CD33: variants seen among roughly 807,000 people sequenced by gnomAD.
CD33 encodes CD33 molecule.
CD33 carries 25 observed loss-of-function variants against 31.4 expected under a neutral mutation model. That is an observed-to-expected ratio of 0.80 (90% confidence interval 0.58 to 1.11). CD33 has a LOEUF of 1.11. Among genes scored for constraint, CD33 ranks in the 50% most tolerant of loss-of-function variants. The pLI is 0.00. For synonymous variants in CD33, 176 were observed against 180.6 expected (o/e 0.97, Z 0.20); for missense variants, 407 against 448.1 (o/e 0.91, Z 0.83).
At chr19:51,229,395 G>T (rs2066956811) in intron 4 of CD33, among the ~76,000 whole-genome samples, 8 of 152,030 alleles carry the variant, frequency 5.3e-5, no homozygotes, top group Admixed American at 5.2e-4. Flanking sequence ...TCATGGTTAT[G>T]CTGGCCTTGT....
the CD33 span, among the ~76,000 whole-genome samples, chr19:51,215,388 C>T: frequency 1.0e-3 from 155 of 152,262 alleles, 1 homozygote; most frequent in African/African-American, 3.4e-3. Context: ...CATTTTCTAT[C>T]AGCCCCTTTG....
intron 6 of CD33, chr19:51,239,172 C>G (rs1432107985): frequency 1.8e-5 from 3 of 169,106 alleles, no homozygotes; most frequent in African/African-American, 7.2e-5. Flanking sequence ...AGTTCAGGGT[C>G]AACAGATGTG....
rs1982022441 is a variant in CD33, at chr19:51,239,512, C to T, written c.925-6C>T. Reference sequence around the variant, plus strand: ...TGCTCTAACCCCCTTCTTTCCTCTCCATAAGAAACACCAGAAGAAGTCCAA... The same window carrying T: ...TGCTCTAACCCCCTTCTTTCCTCTCTATAAGAAACACCAGAAGAAGTCCAA... On this transcript the variant is annotated splice_polypyrimidine_tract_variant and splice_region_variant and intron_variant, in intron 6 of 6. Transcript: ENST00000262262. 1 of 1,594,214 alleles carries T rather than the reference C, an allele frequency of 6.3e-7. No individual in the cohort carries two copies. The highest frequency in any genetic ancestry group is 8.5e-7 in the Non-Finnish European group (1 of 1,169,826).
chr19:51,211,307 C>A, the CD33 span: 4 of 1,564,794 alleles, frequency 2.6e-6, no homozygotes, highest in Non-Finnish European at 3.5e-6. Context: ...TTCTCCCATC[C>A]CATACCCTAC....
At chr19:51,231,385 C>G (rs559862047) in intron 4 of CD33, among the ~76,000 whole-genome samples, 4 of 152,254 alleles carry the variant, frequency 2.6e-5, no homozygotes, top group Non-Finnish European at 5.9e-5. Flanking sequence ...GTGGCCCCCA[C>G]GGCCTAGTGT....
the CD33 span, chr19:51,211,676 G>T: frequency 9.6e-7 from 1 of 1,041,156 alleles, no homozygotes; most frequent in Non-Finnish European, 1.4e-6. Context: ...TCCTGGAAGG[G>T]GGTTGGGAAT....
At chr19:51,235,984 C>T in intron 6 of CD33, 2 of 637,616 alleles carry the variant, frequency 3.1e-6, no homozygotes, top group South Asian at 3.3e-5. Flanking sequence ...TGGTGAAACC[C>T]CGTCTCTACT....
the CD33 span, chr19:51,211,190 A>T: frequency 6.3e-7 from 1 of 1,579,530 alleles, no homozygotes; most frequent in Non-Finnish European, 8.6e-7. Flanking sequence ...GGCCGAGCTG[A>T]CCCTCGTTTC....
the CD33 span, among the ~76,000 whole-genome samples, chr19:51,216,267 T>TGTGTG: frequency 9.3e-5 from 14 of 149,808 alleles, no homozygotes; most frequent in Middle Eastern, 3.2e-3. Context: ...TGTGTGTGTG[T>TGTGTG]TTCTTGTATG....
chr19:51,233,811 G>A (rs1210735513), intron 4 of CD33, among the ~76,000 whole-genome samples: 1 of 152,210 alleles, frequency 6.6e-6, no homozygotes, highest in Non-Finnish European at 1.5e-5. Flanking sequence ...AATCTGGGCT[G>A]GGGAGATGGA....
At chr19:51,212,036 G>A in the CD33 span, 1 of 890,690 alleles carries the variant, frequency 1.1e-6, no homozygotes, top group Non-Finnish European at 1.8e-6. Context: ...GAGCTGGTGT[G>A]ACCACGGAGA....
Position 51,225,914 on chromosome 19 carries a change from TCTC to T in CD33, c.533_535del (p.Ser178del). ...TGTGAGCAGGGAACACCCCCGATCT[TCTC>T]CTGGTTGTCAGCTGCCCCCACCTCC... On this transcript the variant is annotated inframe_deletion, in exon 3 of 7. Coordinates refer to ENST00000262262, the MANE Select transcript of CD33 (RefSeq NM_001772.4). 6.2e-7 allele frequency: 1 copy of T among 1,613,842 alleles called. No individual in the cohort carries two copies. Among genetic ancestry groups the T allele is most frequent in the Non-Finnish European group, 8.5e-7 (1 of 1,179,952 alleles).
At chr19:51,220,927 C>T (rs191048096), upstream of CD33, among the ~76,000 whole-genome samples, 2 of 152,124 alleles carry the variant, frequency 1.3e-5, no homozygotes, top group Admixed American at 6.5e-5. Flanking sequence ...AGGGTGATAA[C>T]ACCTGAATAT....
chr19:51,238,625 A>G (rs992761554), intron 6 of CD33: 4 of 152,316 alleles, frequency 2.6e-5, no homozygotes, highest in African/African-American at 9.6e-5. Context: ...ATGGAATCTG[A>G]GAAATGGCTA....
At chr19:51,215,218 C>T in the CD33 span, among the ~76,000 whole-genome samples, 1 of 152,132 alleles carries the variant, frequency 6.6e-6, no homozygotes, top group African/African-American at 2.4e-5. Context: ...ACCTTAAGAG[C>T]ACCTAGGACC....
chr19:51,233,318 G>C (rs73932887), intron 4 of CD33, among the ~76,000 whole-genome samples: 1 of 152,150 alleles, frequency 6.6e-6, no homozygotes, highest in African/African-American at 2.4e-5. Flanking sequence ...TTGTGTGTTC[G>C]CCCTGAGTGG....
chr19:51,211,620 G>A, the CD33 span: 9 of 1,448,940 alleles, frequency 6.2e-6, no homozygotes, highest in South Asian at 1.3e-4. Context: ...CAGCCACAAG[G>A]GAAGGTCAAA....
intron 6 of CD33, 127 bp downstream of exon 6, chr19:51,235,803 T>C: frequency 1.2e-6 from 1 of 828,694 alleles, no homozygotes; most frequent in Non-Finnish European, 2.1e-6. Context: ...TTTAACAGTG[T>C]AGGTTTTAAT....
At chr19:51,226,797 T>G (rs554489460) in intron 4 of CD33, among the ~76,000 whole-genome samples, 3 of 152,048 alleles carry the variant, frequency 2.0e-5, no homozygotes, top group Admixed American at 2.0e-4. Context: ...TACAGTGGTA[T>G]AGAACACCAG....
Sources: gnomAD v4.1 joint callset for allele counts (sites outside exome capture counted in the v4.1 genomes callset) on GRCh38, gnomAD v4.1.1 for gene constraint, MANE v1.5 for transcripts, NCBI Gene and HGNC (gene_info 2026-07-23, HGNC 2026-07-21) for gene names.